The following SOX6 variants were observed in gnomAD, a reference collection of about 807,000 sequenced individuals.
SOX6 encodes transcription factor SOX-6.
A neutral mutation model predicts 97.8 loss-of-function variants in SOX6; 11 were observed. The ratio of observed to expected loss-of-function variants is 0.11; its 90% CI spans 0.07 to 0.19. The LOEUF (loss-of-function observed/expected upper bound fraction) is 0.19, where lower values mean the gene tolerates loss of function less well. Ranked by LOEUF, SOX6 falls within the 10% of genes least tolerant of loss-of-function variation. The pLI, the probability that SOX6 is intolerant of heterozygous loss-of-function variation, is 1.00. For synonymous variants in SOX6, 360 were observed against 371.4 expected (o/e 0.97, Z 0.35); for missense variants, 810 against 1,039.5 (o/e 0.78, Z 3.04).
intron 4 of SOX6, among the ~76,000 whole-genome samples, chr11:16,511,399 C>G (rs1299412660): frequency 6.6e-6 from 1 of 152,088 alleles, no homozygotes; most frequent in Non-Finnish European, 1.5e-5. Context: ...GAGGATTAAA[C>G]CAATTTTTTT....
chr11:16,454,154 A>C (rs553845736), intron 1 of SOX6, among the ~76,000 whole-genome samples: 2 of 152,266 alleles, frequency 1.3e-5, no homozygotes, highest in African/African-American at 4.8e-5. Flanking sequence ...TGTAAAACAC[A>C]AGACTACATA....
At chr11:16,548,639 C>G (rs1847646606) in intron 4 of SOX6, among the ~76,000 whole-genome samples, 1 of 152,036 alleles carries the variant, frequency 6.6e-6, no homozygotes, top group Admixed American at 6.6e-5. Flanking sequence ...AAAATTTTGG[C>G]TCTTTGAAAG....
At chr11:16,119,634 A>T (rs1265339957) in intron 6 of SOX6, among the ~76,000 whole-genome samples, 1 of 152,208 alleles carries the variant, frequency 6.6e-6, no homozygotes, top group African/African-American at 2.4e-5. Flanking sequence ...TTTTGTATTA[A>T]CTGATCAATG....
intron 1 of SOX6, among the ~76,000 whole-genome samples, chr11:16,401,070 A>G (rs1365433906): frequency 6.6e-6 from 1 of 151,548 alleles, no homozygotes; most frequent in African/African-American, 2.4e-5. Context: ...ATTATATACC[A>G]ATTTTTATGT....
intron 10 of SOX6, among the ~76,000 whole-genome samples, chr11:16,052,887 G>A (rs1314300653): frequency 6.6e-6 from 1 of 152,096 alleles, no homozygotes; most frequent in African/African-American, 2.4e-5. Flanking sequence ...TTTCCACTCT[G>A]GCTATTTCTG....
intron 4 of SOX6, among the ~76,000 whole-genome samples, chr11:16,218,172 C>T (rs996966694): frequency 1.3e-5 from 2 of 152,032 alleles, no homozygotes; most frequent in Non-Finnish European, 2.9e-5. Flanking sequence ...AACTGATGTG[C>T]CTTTTTAAAT....
intron 1 of SOX6, among the ~76,000 whole-genome samples, chr11:16,469,246 A>G (rs1027971375): frequency 1.5e-4 from 23 of 152,146 alleles, no homozygotes; most frequent in Admixed American, 9.2e-4. Context: ...CTGGTGCTAC[A>G]AAAACGAAGC....
intron 4 of SOX6, among the ~76,000 whole-genome samples, chr11:16,228,875 A>G (rs760739681): frequency 1.3e-5 from 2 of 152,222 alleles, no homozygotes; most frequent in Admixed American, 6.5e-5. Context: ...GCAGTCTTCC[A>G]ACTCCTATCA....
At chr11:16,161,315 G>GATATATAT (rs58290065) in intron 6 of SOX6, among the ~76,000 whole-genome samples, 11 of 143,940 alleles carry the variant, frequency 7.6e-5, no homozygotes, top group African/African-American at 2.8e-4. Context: ...CAATGAATTT[G>GATATATAT]ATATATATAT....
At chr11:16,669,743 G>A (rs559622311) in intron 3 of SOX6, among the ~76,000 whole-genome samples, 2 of 152,248 alleles carry the variant, frequency 1.3e-5, no homozygotes, top group East Asian at 3.9e-4. Context: ...ACAGAAAAGT[G>A]GCCAGACTGT....
At chr11:16,186,758 C>T (rs368461818) in intron 5 of SOX6, 25 bp downstream of exon 5, 29 of 1,611,628 alleles carry the variant, frequency 1.8e-5, no homozygotes, top group Non-Finnish European at 2.2e-5. Flanking sequence ...ATCTCCAGTT[C>T]GTCAGTGCCT....
At chr11:16,134,808 C>T (rs1849917914) in intron 6 of SOX6, among the ~76,000 whole-genome samples, 1 of 152,148 alleles carries the variant, frequency 6.6e-6, no homozygotes, top group Non-Finnish European at 1.5e-5. Flanking sequence ...TTCCCTGAGA[C>T]AACAATATTG....
intron 4 of SOX6, among the ~76,000 whole-genome samples, chr11:16,504,890 A>G (rs558724113): frequency 2.0e-5 from 3 of 152,252 alleles, no homozygotes; most frequent in Non-Finnish European, 2.9e-5. Context: ...CACCATAATT[A>G]TAAGTTTCCT....
intron 1 of SOX6, among the ~76,000 whole-genome samples, chr11:16,363,575 G>T (rs1243345820): frequency 6.6e-6 from 1 of 152,014 alleles, no homozygotes; most frequent in African/African-American, 2.4e-5. Flanking sequence ...TAGGTGGTAG[G>T]GCTAAGAACC....
At position 16,225,090 on chromosome 11, in the gene SOX6, C is replaced by T. The variant is rs185642936; in HGVS notation, c.535+9492G>A. ...ACATCTGTTGTGACAATCTTTTTTA[C>T]AAGTCAGTCTCTAGATCAATATAGC... On this transcript the variant is annotated intron_variant, in intron 4 of 15. Coordinates refer to ENST00000683767, the MANE Select transcript of SOX6 (RefSeq NM_001367873.1). 1.6e-4 allele frequency among the ~76,000 whole-genome samples: 24 copies of T among 152,098 alleles called. 1 individual carries two copies. The highest frequency in any genetic ancestry group is 1.3e-3 in the Admixed American group (20 of 15,262).
At chr11:16,192,087 A>G (rs1025713545) in intron 4 of SOX6, among the ~76,000 whole-genome samples, 8 of 152,150 alleles carry the variant, frequency 5.3e-5, no homozygotes, top group Non-Finnish European at 2.9e-5. Flanking sequence ...AGCAATTTAC[A>G]GGCAGCCAGG....
At chr11:16,627,650 G>T (rs190109841) in intron 3 of SOX6, among the ~76,000 whole-genome samples, 56 of 152,180 alleles carry the variant, frequency 3.7e-4, no homozygotes, top group Non-Finnish European at 7.6e-4. Flanking sequence ...GGTTATTTGT[G>T]TTTTCCTTGT....
intron 3 of SOX6, among the ~76,000 whole-genome samples, chr11:16,283,093 ATATATATAT>A (rs1854622229): frequency 1.1e-5 from 1 of 93,852 alleles, no homozygotes; most frequent in Non-Finnish European, 2.5e-5. Context: ...TAATTTGTAT[ATATATATAT>A]ATATATATAT....
chr11:16,689,344 C>T (rs893395356), intron 3 of SOX6, among the ~76,000 whole-genome samples: 4 of 152,188 alleles, frequency 2.6e-5, no homozygotes, highest in Admixed American at 1.3e-4. Context: ...AATTCTGGGT[C>T]CCTCTTCCTT....
Sources: allele counts gnomAD v4.1 joint callset (sites outside exome capture counted in the v4.1 genomes callset), GRCh38; gene constraint gnomAD v4.1.1; transcripts MANE v1.5; gene names NCBI Gene and HGNC (gene_info 2026-07-23, HGNC 2026-07-21).